Variants in IPO9 observed in about 807,000 individuals in gnomAD.
IPO9 encodes the protein importin-9.
IPO9 carries 28 observed loss-of-function variants against 128.6 expected under a neutral mutation model. The ratio of observed to expected loss-of-function variants is 0.22; its 90% confidence interval spans 0.16 to 0.30. IPO9 has a LOEUF of 0.30. IPO9 is among the 10% of genes least tolerant of loss of function. The pLI is 1.00. For missense variants in IPO9, 935 were observed against 1,293.9 expected (o/e 0.72, Z 4.26); for synonymous variants, 455 against 475.8 (o/e 0.96, Z 0.57).
intron 4 of IPO9, among the ~76,000 whole-genome samples, chr1:201,850,016 TCA>T (rs1232438110): frequency 6.6e-6 from 1 of 152,206 alleles, no homozygotes. Flanking sequence ...CTGTTCCCTC[TCA>T]GTCTTCCAAG....
At chr1:201,865,270 G>A (rs968903317) in intron 14 of IPO9, among the ~76,000 whole-genome samples, 9 of 149,592 alleles carry the variant, frequency 6.0e-5, no homozygotes, top group African/African-American at 9.9e-5. Flanking sequence ...GTGCAGTGGC[G>A]CGATCTCGGC....
chr1:201,845,049 T>C (rs1328487019), intron 1 of IPO9, among the ~76,000 whole-genome samples: 1 of 151,782 alleles, frequency 6.6e-6, no homozygotes, highest in East Asian at 1.9e-4. Flanking sequence ...AGAGTTTCCC[T>C]CTTGTTGCCC....
At chr1:201,865,199 C>CTTTTTTTTTTTTTTTTTTTTTTTTT (rs201084995) in intron 14 of IPO9, among the ~76,000 whole-genome samples, 4 of 132,852 alleles carry the variant, frequency 3.0e-5, no homozygotes, top group Non-Finnish European at 4.7e-5. Context: ...AACTATTTTT[C>CTTTTTTTTTTTTTTTTTTTTTTTTT]TTTTTTTTTT....
chr1:201,857,231 A>C, intron 11 of IPO9, 37 bp downstream of exon 11: 1 of 1,315,506 alleles, frequency 7.6e-7, no homozygotes, highest in African/African-American at 1.4e-5. Context: ...CATAATTTCT[A>C]TCAGTCACTT....
At chr1:201,838,422 C>A (rs1374500702) in intron 1 of IPO9, among the ~76,000 whole-genome samples, 1 of 152,170 alleles carries the variant, frequency 6.6e-6, no homozygotes, top group African/African-American at 2.4e-5. Context: ...GTTTTAGAAT[C>A]AGTTCTGATA....
rs138427589 is a variant in IPO9, at chr1:201,838,056, G to A, written c.163+8684G>A. Among the ~76,000 whole-genome samples, 1,069 of 152,138 alleles carry A rather than the reference G, an allele frequency of 7.0e-3. 6 individuals carry two copies. Among genetic ancestry groups the A allele is most frequent in the Middle Eastern group, 0.02 (6 of 294 alleles). ...TTGCACTCCAGTCTGGGCAACAAGAGTGCAACTCTGTCTCAAAAGAAAAAA... is the reference window on the plus strand; with the variant it reads ...TTGCACTCCAGTCTGGGCAACAAGAATGCAACTCTGTCTCAAAAGAAAAAA... On this transcript the variant is annotated intron_variant, in intron 1 of 23. Transcript: ENST00000361565.
Position 201,855,775 on chromosome 1 carries a change from T to A in IPO9, c.971-8T>A. 1 of 1,606,262 alleles carries A rather than the reference T, an allele frequency of 6.2e-7. No individual in the cohort carries two copies. Among genetic ancestry groups the A allele is most frequent in the Non-Finnish European group, 8.5e-7 (1 of 1,178,320 alleles). On this transcript the variant is annotated splice_polypyrimidine_tract_variant and splice_region_variant and intron_variant, in intron 9 of 23. Transcript: ENST00000361565. Reference sequence around the variant, plus strand: ...TCATTAATTTCTTCTCTTCTGTATTTCCTGCAGGTGAAGTCCTGGGCTTTG... The same window carrying A: ...TCATTAATTTCTTCTCTTCTGTATTACCTGCAGGTGAAGTCCTGGGCTTTG...
intron 1 of IPO9, among the ~76,000 whole-genome samples, chr1:201,846,047 G>A (rs1680119121): frequency 6.6e-6 from 1 of 152,216 alleles, no homozygotes; most frequent in South Asian, 2.1e-4. Context: ...GTTTGACACT[G>A]CAGTGAGCTA....
chr1:201,858,970 A>G lies in IPO9; in HGVS notation c.1444A>G (p.Ile482Val). Residue 482 changes from isoleucine (I) to valine (V), a missense_variant, in exon 13 of 24, where the codon ATC becomes GTC. Physicochemically the swap from Ile to Val is conservative, Grantham distance 29. This residue lies in a region of IPO9 where 741 missense variants were observed against 1,019.1 expected (regional missense o/e 0.73). Coordinates refer to ENST00000361565, the MANE Select transcript of IPO9 (RefSeq NM_018085.5). ...CATGCATGGGTTCCTGACCAATGTC[A>G]TCCTTGCAGACCTCAACCTCTCAGG... ...FDMHGFLTNV[I>V]LADLNLSVSP... 4 of 1,611,104 alleles carry G rather than the reference A, an allele frequency of 2.5e-6. No individual in the cohort carries two copies. The highest frequency in any genetic ancestry group is 1.1e-5 in the South Asian group (1 of 90,868).
rs988060496 is a variant in IPO9, at chr1:201,881,335, G to A, written c.*5281G>A. On this transcript the variant is annotated 3_prime_UTR_variant, in exon 24 of 24. Coordinates refer to ENST00000361565, the MANE Select transcript of IPO9 (RefSeq NM_018085.5). ...TTTACAGATTGATGAAACTGAAGCAGACAGATATTGTTAACCTATCAAAGG... is the reference window on the plus strand; with the variant it reads ...TTTACAGATTGATGAAACTGAAGCAAACAGATATTGTTAACCTATCAAAGG... 5 of 152,152 alleles carry A rather than the reference G, an allele frequency of 3.3e-5. No individual in the cohort carries two copies. The highest frequency in any genetic ancestry group is 4.8e-5 in the African/African-American group (2 of 41,422). 9.4% of individuals were successfully genotyped at this position (152,152 alleles called of 1,614,324 possible).
At chr1:201,847,173 C>G in intron 1 of IPO9, 106 bp from the exon 2 acceptor site, 1 of 811,206 alleles carries the variant, frequency 1.2e-6, no homozygotes, top group Middle Eastern at 3.1e-4. Context: ...TTTGAAACAA[C>G]AGATTAAGTT....
In IPO9 at chr1:201,847,655, A is replaced by C. The variant is rs1195307930; in HGVS notation, c.312+17A>C. 4 of 1,559,998 alleles carry C rather than the reference A, an allele frequency of 2.6e-6. No homozygotes were observed. The African/African-American group carries it at 5.4e-5, about 21-fold the overall frequency. ...ACAGAAAGGGTAAGTCAGTTACTTG[A>C]TTAGTCTACCTGAGGAGATTTGAGG... is the stretch of plus-strand genomic sequence containing the variant. On this transcript the variant is annotated intron_variant, in intron 3 of 23. Transcript: ENST00000361565.
Position 201,829,278 on chromosome 1 carries a change from A to G in IPO9, c.69A>G (p.Glu23=). The G allele has an allele frequency of 6.2e-7, 1 of 1,601,202 alleles. No homozygotes were observed. Among genetic ancestry groups the G allele is most frequent in the South Asian group, 1.1e-5 (1 of 88,764 alleles). ...LPGPVAQGLK[E]ALVDTLTGIL... Reference sequence around the variant, plus strand: ...GTCCAGTGGCACAAGGATTAAAGGAAGCGTTAGTGGATACGCTCACCGGGA... The same window carrying G: ...GTCCAGTGGCACAAGGATTAAAGGAGGCGTTAGTGGATACGCTCACCGGGA... The change falls in exon 1 of 24, where the codon GAA becomes GAG. Residue 23 remains glutamate, a synonymous_variant. Coordinates refer to ENST00000361565, the MANE Select transcript of IPO9 (RefSeq NM_018085.5).
In IPO9 at chr1:201,856,660, G is replaced by A. The variant is rs540242990; in HGVS notation, c.1123-436G>A. 2.1e-5 allele frequency among the ~76,000 whole-genome samples: 3 copies of A among 144,508 alleles called. No homozygotes were observed. The East Asian group carries it at 5.8e-4, about 28-fold the overall frequency. The allele number at this position is 144,508 out of a possible 152,430, so 94.8% of individuals were successfully genotyped here. A position where few individuals can be genotyped will look rare whatever the true frequency, so the allele number is the denominator to read the frequency against. On this transcript the variant is annotated intron_variant, in intron 10 of 23. Coordinates refer to ENST00000361565, the MANE Select transcript of IPO9 (RefSeq NM_018085.5). Reference sequence around the variant, plus strand: ...AAGATTTTTTTAAGCTAGAGTTTTTGTTTCAGTTTTTGTTGTTGTTGTTGT... The same window carrying A: ...AAGATTTTTTTAAGCTAGAGTTTTTATTTCAGTTTTTGTTGTTGTTGTTGT...
chr1:201,853,135 TAA>T, intron 6 of IPO9, 38 bp downstream of exon 6: 1 of 1,549,120 alleles, frequency 6.5e-7, no homozygotes, highest in Non-Finnish European at 8.9e-7. Flanking sequence ...ACTTCATGCT[TAA>T]AAGTTTTATT....
chr1:201,856,446 A>G (rs183627320), intron 10 of IPO9, among the ~76,000 whole-genome samples: 4 of 152,360 alleles, frequency 2.6e-5, no homozygotes, highest in Admixed American at 6.5e-5. Flanking sequence ...AAACAGCACA[A>G]GAATTGACAT....
rs913525198 is a variant in IPO9, at chr1:201,878,993, C to A, written c.*2939C>A. 1 of 152,168 alleles carries A rather than the reference C, an allele frequency of 6.6e-6. No homozygotes were observed. The highest frequency in any genetic ancestry group is 1.9e-4 in the East Asian group (1 of 5,192). The allele number at this position is 152,168 out of a possible 1,614,324, so 9.4% of individuals were successfully genotyped here. On this transcript the variant is annotated 3_prime_UTR_variant, in exon 24 of 24. Transcript: ENST00000361565. ...CTTAGCTGCTCTGAGACATTTTAGT[C>A]TCCTGACTGGTAAACAGCAGCTGGG...
At chr1:201,845,926 T>C (rs1680117498) in intron 1 of IPO9, among the ~76,000 whole-genome samples, 1 of 152,178 alleles carries the variant, frequency 6.6e-6, no homozygotes, top group East Asian at 1.9e-4. Context: ...GTTGACTCCT[T>C]TGCAAGTATA....
At chr1:201,838,799 T>C (rs1180262807) in intron 1 of IPO9, among the ~76,000 whole-genome samples, 1 of 152,212 alleles carries the variant, frequency 6.6e-6, no homozygotes, top group Non-Finnish European at 1.5e-5. Flanking sequence ...AATCAATAGC[T>C]TTCACATACA....
Sources: allele counts gnomAD v4.1 joint callset (sites outside exome capture counted in the v4.1 genomes callset), GRCh38; gene constraint gnomAD v4.1.1; regional missense constraint gnomAD v4.1.1; transcripts MANE v1.5; gene names NCBI Gene and HGNC (gene_info 2026-07-23, HGNC 2026-07-21).